WRNIP1: variants seen among roughly 807,000 people sequenced by gnomAD.
WRNIP1 encodes the protein ATPase WRNIP1.
A neutral mutation model predicts 56.1 loss-of-function variants in WRNIP1; 41 were observed. The observed-to-expected ratio is 0.73, with a 90% confidence interval of 0.57 to 0.95. WRNIP1 has a LOEUF of 0.95. WRNIP1 is among the 40% of genes least tolerant of loss of function. The pLI is 0.00. For synonymous variants in WRNIP1, 547 were observed against 398.1 expected, an observed-to-expected ratio of 1.37 and a Z score of -4.45; for missense variants, 1,170 against 939.4, an observed-to-expected ratio of 1.25 and a Z score of -3.21.
chr6:2,781,068 C>T (rs561448343), intron 4 of WRNIP1, among the ~76,000 whole-genome samples: 3 of 152,334 alleles, frequency 2.0e-5, no homozygotes, highest in African/African-American at 2.4e-5. Context: ...TCCCCCCGTC[C>T]GCATTTGCCT....
rs1309422109 is a variant in WRNIP1 at position 2,768,893 on chromosome 6, T to G, written c.1014+11T>G. On this transcript the variant is annotated intron_variant, in intron 2 of 6. Coordinates refer to ENST00000380773, the MANE Select transcript of WRNIP1 (RefSeq NM_020135.3). ...AATAAATCTCAGCAGGTATATTAAC[T>G]TCCTTCTACCTTTTGGTCGTTGTGA... 1.1e-5 allele frequency: 18 copies of G among 1,599,182 alleles called. No individual in the cohort carries two copies. Among genetic ancestry groups the G allele is most frequent in the Non-Finnish European group, 1.5e-5 (18 of 1,172,044 alleles).
chr6:2,777,383 A>G (rs1765457533), intron 3 of WRNIP1, among the ~76,000 whole-genome samples: 1 of 152,212 alleles, frequency 6.6e-6, no homozygotes, highest in Admixed American at 6.5e-5. Context: ...GGTGCAGGAT[A>G]TAGGCTAGTT....
At position 2,765,539 on chromosome 6, in the gene WRNIP1, G is replaced by C. The variant is rs1764900329; in HGVS notation, c.-84G>C. ...CCCCGAGCGAGGGTCTCGCGGCGCG[G>C]GGCCTAGCGGAGGGCATCGAAGGCC... On this transcript the variant is annotated 5_prime_UTR_variant, in exon 1 of 7. Coordinates refer to ENST00000380773, the MANE Select transcript of WRNIP1 (RefSeq NM_020135.3). 1 of 1,330,868 alleles carries C rather than the reference G, an allele frequency of 7.5e-7. No individual in the cohort carries two copies. The allele number at this position is 1,330,868 out of a possible 1,614,324, so 82.4% of individuals were successfully genotyped here. A position where few individuals can be genotyped will look rare whatever the true frequency, so the allele number is the denominator to read the frequency against.
intron 3 of WRNIP1, among the ~76,000 whole-genome samples, chr6:2,774,588 A>G (rs546461214): frequency 6.6e-6 from 1 of 152,348 alleles, no homozygotes; most frequent in South Asian, 2.1e-4. Context: ...CCTTAGTTAC[A>G]TCTACAAAGA....
intron 3 of WRNIP1, chr6:2,773,183 T>A: frequency 1.0e-6 from 1 of 985,422 alleles, no homozygotes; most frequent in Non-Finnish European, 1.2e-6. Context: ...AGTGTTCTTT[T>A]TTTAAAAAAA....
chr6:2,770,311 C>T lies in WRNIP1; in HGVS notation c.1206C>T (p.Asp402=), dbSNP rs530367921. The T allele has an allele frequency of 9.9e-6, 16 of 1,614,068 alleles. No individual in the cohort carries two copies. In the East Asian group the frequency reaches 1.1e-4, roughly 11 times the overall value. ...ACTCCCTGGGAATCCACGTCCTAGA[C>T]TCTAGCCGTCCCACTGACCCTCTGA... ...AINSLGIHVL[D]SSRPTDPLSH... The change falls in exon 3 of 7, where the codon GAC becomes GAT. Residue 402 remains aspartate (D), a synonymous_variant. Coordinates refer to ENST00000380773, the MANE Select transcript of WRNIP1 (RefSeq NM_020135.3).
At chr6:2,776,278 C>T (rs933980798) in intron 3 of WRNIP1, among the ~76,000 whole-genome samples, 1 of 152,192 alleles carries the variant, frequency 6.6e-6, no homozygotes, top group South Asian at 2.1e-4. Context: ...CCTGCTCAGT[C>T]GTCTTCACAG....
intron 1 of WRNIP1, among the ~76,000 whole-genome samples, chr6:2,767,724 C>T (rs1172878281): frequency 6.6e-6 from 1 of 152,182 alleles, no homozygotes; most frequent in Non-Finnish European, 1.5e-5. Flanking sequence ...CCCCAGACAG[C>T]AAGAAGGTCC....
In WRNIP1 at chr6:2,779,331, C is replaced by G. The variant is rs1376248497; in HGVS notation, c.1325C>G (p.Ala442Gly). 6.2e-7 allele frequency: 1 copy of G among 1,614,190 alleles called. No homozygotes were observed. Among genetic ancestry groups the G allele is most frequent in the Admixed American group, 1.7e-5 (1 of 60,028 alleles). Residue 442 changes from alanine (A) to glycine (G), a missense_variant, in exon 4 of 7, where the codon GCT becomes GGT. Coordinates refer to ENST00000380773, the MANE Select transcript of WRNIP1 (RefSeq NM_020135.3). ...LAYLSDGDAR[A>G]GLNGLQLAVL... is the part of the protein sequence containing the mutation. ...TACCTCAGTGACGGTGACGCCCGAG[C>G]TGGGTTGAACGGACTGCAGCTGGCG...
At position 2,785,018 on chromosome 6, in the gene WRNIP1, C is replaced by G; in HGVS notation, c.1734C>G (p.Ala578=). ...TGTGTCATTGGTAGGTGCTTCTGGCCCAGTGTGTGGTCTACTTTGCCAGAG... is the reference window on the plus strand; with the variant it reads ...TGTGTCATTGGTAGGTGCTTCTGGCGCAGTGTGTGGTCTACTTTGCCAGAG... ...IGMPECEVLL[A]QCVVYFARAP... The change falls in exon 7 of 7, where the codon GCC becomes GCG. Residue 578 remains alanine, a synonymous_variant. Transcript: ENST00000380773. The G allele has an allele frequency of 6.2e-7, 1 of 1,613,910 alleles. No individual in the cohort carries two copies. Among genetic ancestry groups the G allele is most frequent in the Non-Finnish European group, 8.5e-7 (1 of 1,179,962 alleles).
At position 2,783,439 on chromosome 6, in the gene WRNIP1, A is replaced by C. The variant is rs536393691; in HGVS notation, c.1520A>C (p.His507Pro). The C allele has an allele frequency of 6.2e-7, 1 of 1,612,846 alleles. No homozygotes were observed. Among genetic ancestry groups the C allele is most frequent in the Non-Finnish European group, 8.5e-7 (1 of 1,179,444 alleles). The change falls in exon 5 of 7, where the codon CAC becomes CCC. Residue 507 changes from histidine (H) to proline (P), a missense_variant. By Grantham distance (77) the His-to-Pro change is moderately conservative. Transcript: ENST00000380773. ...CATTACAACTGCATCTCCGCCCTGCACAAGTCCATGCGGGGCTCAGACCAG... is the reference window on the plus strand; with the variant it reads ...CATTACAACTGCATCTCCGCCCTGCCCAAGTCCATGCGGGGCTCAGACCAG... ...EEHYNCISAL[H>P]KSMRGSDQNA...
intron 4 of WRNIP1, among the ~76,000 whole-genome samples, chr6:2,780,767 C>T (rs531444081): frequency 5.3e-5 from 8 of 152,128 alleles, no homozygotes; most frequent in Non-Finnish European, 1.2e-4. Flanking sequence ...TGAAGTGCAG[C>T]AGCAGCGGTC....
In WRNIP1 at chr6:2,765,478, G is replaced by C; in HGVS notation, c.-145G>C. 1 of 1,058,680 alleles carries C rather than the reference G, an allele frequency of 9.4e-7. No homozygotes were observed. Among genetic ancestry groups the C allele is most frequent in the Non-Finnish European group, 1.2e-6 (1 of 829,022 alleles). The allele number at this position is 1,058,680 out of a possible 1,614,324, so 65.6% of individuals were successfully genotyped here. A position where few individuals can be genotyped will look rare whatever the true frequency, so the allele number is the denominator to read the frequency against. On this transcript the variant is annotated 5_prime_UTR_variant, in exon 1 of 7. Coordinates refer to ENST00000380773, the MANE Select transcript of WRNIP1 (RefSeq NM_020135.3). ...GGAGCTGCGGACGTGAGGCATGAGC[G>C]GCGCCCTCCTCCGGCCCGCGAGCGT...
At chr6:2,770,083 C>T (rs369949311) in intron 2 of WRNIP1, 37 bp from the exon 3 acceptor site, 1 of 1,611,516 alleles carries the variant, frequency 6.2e-7, no homozygotes, top group Non-Finnish European at 8.5e-7. Context: ...TGGCTGTTGA[C>T]TGGAATCACT....
chr6:2,767,398 A>G (rs1765065257), intron 1 of WRNIP1, among the ~76,000 whole-genome samples: 1 of 152,260 alleles, frequency 6.6e-6, no homozygotes, highest in African/African-American at 2.4e-5. Flanking sequence ...TCGTTTGCAC[A>G]CAAGGCTTTT....
intron 3 of WRNIP1, among the ~76,000 whole-genome samples, chr6:2,772,708 C>T (rs1581136154): frequency 6.6e-6 from 1 of 152,196 alleles, no homozygotes; most frequent in East Asian, 1.9e-4. Flanking sequence ...TCATAGGCCA[C>T]AGAAAGAACT....
chr6:2,774,255 C>G, intron 3 of WRNIP1: 1 of 985,414 alleles, frequency 1.0e-6, no homozygotes, highest in Non-Finnish European at 1.2e-6. Context: ...AACCACAGAT[C>G]TCATGGTCCT....
At chr6:2,772,920 C>A in intron 3 of WRNIP1, 1 of 965,348 alleles carries the variant, frequency 1.0e-6, no homozygotes, top group Non-Finnish European at 1.2e-6. Context: ...ACCCCATATA[C>A]TTACTTTCTC....
chr6:2,767,923 A>G (rs1582166179), intron 1 of WRNIP1, among the ~76,000 whole-genome samples: 1 of 152,356 alleles, frequency 6.6e-6, no homozygotes, highest in Middle Eastern at 3.4e-3. Flanking sequence ...TGGGTGCTCT[A>G]CAACTTTTAG....
Sources: allele counts gnomAD v4.1 joint callset (sites outside exome capture counted in the v4.1 genomes callset), GRCh38; gene constraint gnomAD v4.1.1; transcripts MANE v1.5; gene names NCBI Gene and HGNC (gene_info 2026-07-23, HGNC 2026-07-21).